Variants in TBC1D22A observed in about 807,000 individuals in gnomAD.
TBC1D22A encodes the protein putative GTPase activator.
Under a neutral mutation model 60.2 loss-of-function variants are expected in TBC1D22A, and 38 were observed. That is an observed-to-expected ratio of 0.63 (90% CI 0.49 to 0.83). TBC1D22A has a LOEUF of 0.83. Among genes scored for constraint, TBC1D22A ranks in the 40% least tolerant of loss-of-function variants. The pLI, the probability that TBC1D22A is intolerant of heterozygous loss-of-function variation, is 0.00. For synonymous variants in TBC1D22A, 302 were observed against 281.7 expected, an observed-to-expected ratio of 1.07 and a Z score of -0.72; for missense variants, 628 against 701.0, an observed-to-expected ratio of 0.90 and a Z score of 1.18.
chr22:46,912,087 T>C lies in TBC1D22A; in HGVS notation c.914T>C (p.Ile305Thr), dbSNP rs1380051001. The C allele has an allele frequency of 6.2e-7, 1 of 1,613,382 alleles. No homozygotes were observed. The highest frequency in any genetic ancestry group is 1.1e-5 in the South Asian group (1 of 90,714). The change falls in exon 8 of 13, where the codon ATC becomes ACC. Residue 305 changes from isoleucine to threonine, a missense_variant. Ile to Thr is a moderately conservative substitution (Grantham distance 89, BLOSUM62 -1). Transcript: ENST00000337137. ...QPKVTEIFER[I>T]LFIWAIRHPA... is the part of the protein sequence containing the mutation. ...ATTTTCTTTCAGATTTTTGAAAGGA[T>C]CTTGTTCATATGGGCGATCCGCCAC...
intron 6 of TBC1D22A, among the ~76,000 whole-genome samples, chr22:46,892,439 G>A (rs1237177283): frequency 1.3e-5 from 2 of 152,212 alleles, no homozygotes; most frequent in Non-Finnish European, 2.9e-5. Context: ...TAGGAGTGAG[G>A]CTGGGGCAAA....
At chr22:47,056,136 A>T (rs1018433282) in intron 11 of TBC1D22A, among the ~76,000 whole-genome samples, 1 of 152,166 alleles carries the variant, frequency 6.6e-6, no homozygotes, top group African/African-American at 2.4e-5. Flanking sequence ...CGGTGGCCCA[A>T]AAAAGTCTCT....
chr22:47,044,037 C>T (rs1307647189), intron 11 of TBC1D22A, among the ~76,000 whole-genome samples: 1 of 43,338 alleles, frequency 2.3e-5, no homozygotes. Flanking sequence ...GTCCTCATAG[C>T]AGCCCAGGCA....
intron 4 of TBC1D22A, among the ~76,000 whole-genome samples, chr22:46,856,764 T>C (rs1055416457): frequency 6.6e-6 from 1 of 152,250 alleles, no homozygotes; most frequent in Non-Finnish European, 1.5e-5. Context: ...CAGCAACAAA[T>C]GGATATAGCT....
chr22:46,892,676 TA>T (rs1569183098), intron 6 of TBC1D22A, among the ~76,000 whole-genome samples: 1 of 152,284 alleles, frequency 6.6e-6, no homozygotes, highest in African/African-American at 2.4e-5. Context: ...GTTTTGAACC[TA>T]TTTTTTAATG....
intron 4 of TBC1D22A, among the ~76,000 whole-genome samples, chr22:46,825,151 G>A (rs2085996966): frequency 6.6e-6 from 1 of 152,120 alleles, no homozygotes; most frequent in Non-Finnish European, 1.5e-5. Context: ...GTGGAGTTTT[G>A]GAGTGTCAGG....
intron 11 of TBC1D22A, among the ~76,000 whole-genome samples, chr22:47,082,026 C>T (rs769034393): frequency 9.2e-5 from 14 of 152,086 alleles, no homozygotes; most frequent in Non-Finnish European, 1.5e-4. Context: ...GGCGTGGTGA[C>T]GCATGCCTGT....
In TBC1D22A at chr22:46,987,276, A is replaced by G. The variant is rs149524697; in HGVS notation, c.1126-10358A>G. On this transcript the variant is annotated intron_variant, in intron 9 of 12. Coordinates refer to ENST00000337137, the MANE Select transcript of TBC1D22A (RefSeq NM_014346.5). ...CCGGAGTGGCATTGGTCACCTCCTG[A>G]AAGAGCATGTGGGACAGGAGAGAAT... Among the ~76,000 whole-genome samples, 630 of 152,268 alleles carry G rather than the reference A, an allele frequency of 4.1e-3. 9 individuals carry two copies. Among genetic ancestry groups the G allele is most frequent in the African/African-American group, 0.014 (600 of 41,550 alleles).
intron 11 of TBC1D22A, among the ~76,000 whole-genome samples, chr22:47,085,453 A>T (rs2064640958): frequency 6.6e-6 from 1 of 152,132 alleles, no homozygotes; most frequent in Non-Finnish European, 1.5e-5. Context: ...ACAGTTGCCA[A>T]TTTTTGCTTG....
intron 4 of TBC1D22A, among the ~76,000 whole-genome samples, chr22:46,869,905 T>A (rs2067227230): frequency 6.6e-6 from 1 of 152,388 alleles, no homozygotes; most frequent in East Asian, 1.9e-4. Flanking sequence ...GTTCTTTGCA[T>A]ACACCACTTT....
chr22:46,943,610 G>A (rs6008006), intron 8 of TBC1D22A, among the ~76,000 whole-genome samples: 65,168 of 152,016 alleles, frequency 0.43, 14,689 homozygotes, highest in African/African-American at 0.56. Flanking sequence ...GTATAATTCA[G>A]TGGTTTTTAG....
At chr22:47,068,978 C>A (rs540487091) in intron 11 of TBC1D22A, among the ~76,000 whole-genome samples, 33 of 152,256 alleles carry the variant, frequency 2.2e-4, no homozygotes, top group African/African-American at 6.7e-4. Flanking sequence ...TGTGACTCTA[C>A]GTTTTTTTAA....
At chr22:46,783,395 A>C (rs2084025198) in intron 1 of TBC1D22A, among the ~76,000 whole-genome samples, 1 of 152,190 alleles carries the variant, frequency 6.6e-6, no homozygotes, top group Admixed American at 6.5e-5. Flanking sequence ...ATCTTTAAAA[A>C]ACTAGAAAGC....
chr22:47,130,851 G>T (rs1406902011), intron 12 of TBC1D22A, among the ~76,000 whole-genome samples: 1 of 152,204 alleles, frequency 6.6e-6, no homozygotes, highest in Non-Finnish European at 1.5e-5. Context: ...CCTTATCTTT[G>T]CATTGCTATA....
chr22:47,165,381 T>C (rs1196575411), intron 12 of TBC1D22A, among the ~76,000 whole-genome samples: 1 of 151,852 alleles, frequency 6.6e-6, no homozygotes, highest in East Asian at 1.9e-4. Flanking sequence ...AGGGCGAGTT[T>C]CTGGAGCTCT....
At chr22:47,072,611 G>C (rs1361200547) in intron 11 of TBC1D22A, among the ~76,000 whole-genome samples, 1 of 152,236 alleles carries the variant, frequency 6.6e-6, no homozygotes, top group Non-Finnish European at 1.5e-5. Flanking sequence ...CACCCAGGAA[G>C]GTGCCTGACC....
At chr22:46,885,617 A>G (rs574414801) in intron 5 of TBC1D22A, among the ~76,000 whole-genome samples, 2 of 152,272 alleles carry the variant, frequency 1.3e-5, no homozygotes, top group South Asian at 4.2e-4. Flanking sequence ...TGGCTCTGAG[A>G]CGGTTATCTG....
intron 11 of TBC1D22A, among the ~76,000 whole-genome samples, chr22:47,107,994 A>G (rs2065698896): frequency 6.6e-6 from 1 of 152,260 alleles, no homozygotes. Flanking sequence ...CATGATCTGT[A>G]AAAGAACAAA....
intron 10 of TBC1D22A, among the ~76,000 whole-genome samples, chr22:46,999,751 C>T (rs934912861): frequency 1.3e-5 from 2 of 152,320 alleles, no homozygotes; most frequent in South Asian, 2.1e-4. Flanking sequence ...TCAGGCCGGG[C>T]GCGGTGGCTC....
Sources: gnomAD v4.1 joint callset for allele counts (sites outside exome capture counted in the v4.1 genomes callset) on GRCh38, gnomAD v4.1.1 for gene constraint, MANE v1.5 for transcripts, NCBI Gene and HGNC (gene_info 2026-07-23, HGNC 2026-07-21) for gene names.